Variants in FGF13 observed in about 807,000 individuals in gnomAD.
The protein encoded by FGF13 is fibroblast growth factor 13, also known as fibroblast growth factor homologous factor 2.
A neutral mutation model predicts 19.5 loss-of-function variants in FGF13; 2 were observed. That is an observed-to-expected ratio of 0.10 (90% CI 0.04 to 0.32). The LOEUF (loss-of-function observed/expected upper bound fraction) is 0.32. Ranked by LOEUF, FGF13 falls within the 10% of genes least tolerant of loss-of-function variation. The pLI is 1.00. For missense variants in FGF13, 113 were observed against 192.7 expected, an observed-to-expected ratio of 0.59 and a Z score of 2.45; for synonymous variants, 72 against 76.9, an observed-to-expected ratio of 0.94 and a Z score of 0.33.
chrX:138,683,330 T>G (rs1453368493), intron 3 of FGF13, among the ~76,000 whole-genome samples: 1 of 110,412 alleles, frequency 9.1e-6, no homozygotes, highest in Non-Finnish European at 1.9e-5. Flanking sequence ...AGATTCTGAA[T>G]CCACTTAATT....
chrX:139,000,351 GAA>G (rs2092066690), intron 1 of FGF13, among the ~76,000 whole-genome samples: 1 of 111,756 alleles, frequency 8.9e-6, no homozygotes, highest in Non-Finnish European at 1.9e-5. Context: ...TAAGGCAAGA[GAA>G]AGAGATAAAG....
chrX:138,902,019 T>G (rs748040043), intron 1 of FGF13, among the ~76,000 whole-genome samples: 1 of 112,529 alleles, frequency 8.9e-6, no homozygotes, highest in East Asian at 2.8e-4. Context: ...GTTAAAACAC[T>G]CTAAGTTCCT....
At chrX:138,961,085 G>T (rs1357914192) in intron 1 of FGF13, among the ~76,000 whole-genome samples, 1 of 111,093 alleles carries the variant, frequency 9.0e-6, no homozygotes, top group Admixed American at 9.6e-5. Flanking sequence ...TGGATGAGAA[G>T]AGGTGCTCGG....
chrX:139,133,178 T>G (rs2083773373), intron 1 of FGF13, among the ~76,000 whole-genome samples: 1 of 109,890 alleles, frequency 9.1e-6, no homozygotes, highest in Non-Finnish European at 1.9e-5. Flanking sequence ...TTGTTCAGCA[T>G]GTTGAAAGAC....
chrX:138,772,018 GTATATATATATATATA>G (rs56411673), intron 3 of FGF13, among the ~76,000 whole-genome samples: 798 of 56,519 alleles, frequency 0.014, 15 homozygotes, highest in African/African-American at 0.04. Context: ...ATACATATGT[GTATATATATATATATA>G]TATATATATA....
chrX:138,673,806 T>C (rs1177673680), intron 3 of FGF13, among the ~76,000 whole-genome samples: 2 of 110,663 alleles, frequency 1.8e-5, no homozygotes, highest in Non-Finnish European at 3.8e-5. Context: ...GAGTTGAATA[T>C]ACTGCATGAC....
At chrX:138,746,067 G>A (rs1471386372) in intron 3 of FGF13, among the ~76,000 whole-genome samples, 3 of 112,007 alleles carry the variant, frequency 2.7e-5, no homozygotes, top group Non-Finnish European at 5.6e-5. Context: ...AGCTGAAACT[G>A]GAAGTTGTTT....
chrX:138,632,050 A>T lies in FGF13; in HGVS notation c.*800T>A, dbSNP rs1188303716. The T allele has an allele frequency of 9.1e-6, 1 of 110,452 alleles. No homozygotes were observed. Among genetic ancestry groups the T allele is most frequent in the Non-Finnish European group, 1.9e-5 (1 of 52,608 alleles). 9.1% of individuals were successfully genotyped at this position (110,452 alleles called of 1,213,427 possible). On this transcript the variant is annotated 3_prime_UTR_variant, in exon 5 of 5. Coordinates refer to ENST00000315930, the MANE Select transcript of FGF13 (RefSeq NM_004114.5). ...ATAGTTTAACATGATACACAAATGG[A>T]ATTAAGAGAAATCTACACTTGAGGA...
At chrX:139,073,332 G>C (rs1279659786) in intron 1 of FGF13, among the ~76,000 whole-genome samples, 1 of 110,356 alleles carries the variant, frequency 9.1e-6, no homozygotes, top group East Asian at 2.9e-4. Context: ...CACAACTAAG[G>C]AAACCCCAGT....
chrX:139,034,198 C>T (rs1019239515), intron 1 of FGF13, among the ~76,000 whole-genome samples: 2 of 111,802 alleles, frequency 1.8e-5, no homozygotes, highest in East Asian at 5.6e-4. Context: ...GCGTCCACAG[C>T]CTATAGTCTA....
intron 1 of FGF13, among the ~76,000 whole-genome samples, chrX:139,131,506 T>C (rs1168581162): frequency 5.5e-5 from 6 of 108,832 alleles, no homozygotes; most frequent in African/African-American, 2.0e-4. Context: ...GAGGCCGAGA[T>C]TGGAGGATCT....
In FGF13 at chrX:138,623,533, G is replaced by A. The variant is rs1343311079; in HGVS notation, c.*9317C>T. The A allele has an allele frequency of 2.7e-5, 3 of 111,869 alleles. No individual in the cohort carries two copies. The highest frequency in any genetic ancestry group is 3.8e-5 in the Non-Finnish European group (2 of 53,249). 9.2% of individuals were successfully genotyped at this position (111,869 alleles called of 1,213,427 possible). On this transcript the variant is annotated 3_prime_UTR_variant, in exon 5 of 5. Transcript: ENST00000315930. ...CACGCCTGTAATCCCAGCGCTTTGG[G>A]AGGCCGAGGAAGGTGGATCACCTGA...
At chrX:138,957,095 A>G (rs1001010767) in intron 1 of FGF13, among the ~76,000 whole-genome samples, 6 of 111,702 alleles carry the variant, frequency 5.4e-5, no homozygotes, top group Non-Finnish European at 1.1e-4. Flanking sequence ...AAAGGAAAAA[A>G]GAGCGAGAGA....
At chrX:138,816,457 C>T (rs1236166548) in intron 3 of FGF13, among the ~76,000 whole-genome samples, 1 of 112,188 alleles carries the variant, frequency 8.9e-6, no homozygotes, top group African/African-American at 3.2e-5. Context: ...CAATCGCACT[C>T]ATCAGAATTT....
intron 1 of FGF13, among the ~76,000 whole-genome samples, chrX:139,163,782 C>G (rs1486377527): frequency 9.0e-6 from 1 of 111,395 alleles, no homozygotes; most frequent in African/African-American, 3.3e-5. Flanking sequence ...CTGTTTCTAT[C>G]AAATGAATTC....
At chrX:138,965,768 T>G (rs746267776) in intron 1 of FGF13, among the ~76,000 whole-genome samples, 1 of 112,073 alleles carries the variant, frequency 8.9e-6, no homozygotes, top group South Asian at 3.8e-4. Flanking sequence ...TGGTGGCCTG[T>G]GCGACTACAC....
chrX:138,932,373 G>A (rs2091706650), intron 1 of FGF13, among the ~76,000 whole-genome samples: 1 of 111,493 alleles, frequency 9.0e-6, no homozygotes, highest in Non-Finnish European at 1.9e-5. Flanking sequence ...GAGGTCAGGA[G>A]CTTAAGACCA....
At chrX:138,940,655 C>T (rs778582227) in intron 1 of FGF13, among the ~76,000 whole-genome samples, 1 of 111,740 alleles carries the variant, frequency 8.9e-6, no homozygotes, top group East Asian at 2.8e-4. Context: ...CTGTGGCTAG[C>T]CAGTTATCCC....
chrX:138,958,036 G>T (rs1231410751), intron 1 of FGF13, among the ~76,000 whole-genome samples: 1 of 111,623 alleles, frequency 9.0e-6, no homozygotes, highest in Non-Finnish European at 1.9e-5. Flanking sequence ...CTGCCTGATT[G>T]CCCTGGCCAG....
Sources: gnomAD v4.1 joint callset for allele counts (sites outside exome capture counted in the v4.1 genomes callset) on GRCh38, gnomAD v4.1.1 for gene constraint, MANE v1.5 for transcripts, NCBI Gene and HGNC (gene_info 2026-07-23, HGNC 2026-07-21) for gene names.